The following FAP variants were observed in gnomAD, a reference collection of about 807,000 sequenced individuals.
The protein encoded by FAP is prolyl endopeptidase FAP.
In FAP, 110 loss-of-function variants were observed where a neutral mutation model predicts 126.5. That is an observed-to-expected ratio of 0.87 (90% CI 0.74 to 1.02). FAP has a LOEUF of 1.02. FAP is among the 50% of genes least tolerant of loss of function. The pLI, the probability that FAP is intolerant of heterozygous loss-of-function variation, is 0.00. For missense variants in FAP, 919 were observed against 909.2 expected (o/e 1.01, Z -0.14); for synonymous variants, 334 against 297.3 (o/e 1.12, Z -1.27).
chr2:162,219,063 CT>C lies in FAP; in HGVS notation c.606del (p.Glu203ArgfsTer46). On this transcript the variant is annotated frameshift_variant and splice_region_variant, in exon 8 of 26. Coordinates refer to ENST00000188790, the MANE Select transcript of FAP (RefSeq NM_004460.5). LOFTEE classifies it high-confidence loss of function. ...GCAGTAGAAAAGGAATACAGCTTAC[CT>C]TCATAAACCCAGTCTGGGATTCCAT... ...IFNGIPDWVY[E>X]EEMLATKYAL... is the part of the protein sequence containing the mutation. 1 of 1,597,960 alleles carries C rather than the reference CT, an allele frequency of 6.3e-7. No homozygotes were observed. The highest frequency in any genetic ancestry group is 8.5e-7 in the Non-Finnish European group (1 of 1,172,118).
intron 21 of FAP, among the ~76,000 whole-genome samples, chr2:162,176,886 G>A (rs540332110): frequency 6.6e-6 from 1 of 150,648 alleles, no homozygotes; most frequent in African/African-American, 2.4e-5. Flanking sequence ...GGGTGATAGT[G>A]TTGTATTTAA....
intron 2 of FAP, among the ~76,000 whole-genome samples, chr2:162,240,561 C>G (rs570243954): frequency 6.8e-4 from 103 of 152,316 alleles, no homozygotes; most frequent in Non-Finnish European, 1.0e-3. Context: ...TCCTCAGCAA[C>G]TGGCATGATG....
intron 17 of FAP, among the ~76,000 whole-genome samples, chr2:162,192,555 C>T (rs1309608876): frequency 2.0e-5 from 3 of 152,096 alleles, no homozygotes; most frequent in Non-Finnish European, 4.4e-5. Context: ...GTTTTGTCCA[C>T]TCGGCTCATA....
chr2:162,190,486 A>G (rs761735813), intron 17 of FAP, among the ~76,000 whole-genome samples: 1 of 152,072 alleles, frequency 6.6e-6, no homozygotes, highest in Non-Finnish European at 1.5e-5. Flanking sequence ...ACTTGAGCTC[A>G]GTTATATTTC....
At chr2:162,202,982 T>C in intron 13 of FAP, 40 bp from the exon 14 acceptor site, 1 of 1,603,042 alleles carries the variant, frequency 6.2e-7, no homozygotes, top group Non-Finnish European at 8.5e-7. Context: ...AAACTGAGCG[T>C]TATTTGAGCA....
intron 2 of FAP, among the ~76,000 whole-genome samples, chr2:162,235,355 C>T (rs1449200160): frequency 1.3e-5 from 2 of 152,228 alleles, no homozygotes; most frequent in East Asian, 3.9e-4. Context: ...GCGAGATCCA[C>T]TGGGTGAGGC....
At position 162,213,941 on chromosome 2, in the gene FAP, T is replaced by C. The variant is rs200474219; in HGVS notation, c.999A>G (p.Pro333=). The change falls in exon 11 of 26, where the codon CCA becomes CCG. Residue 333 remains proline, a synonymous_variant. Transcript: ENST00000188790. ...FREDWQTWDC[P]KTQEHIEESR... ...CTGTGATCTTAATATACCCTACCTT[T>C]GGACAATCCCATGTCTGCCAGTCTT... is the stretch of plus-strand genomic sequence containing the variant. 2 of 1,613,232 alleles carry C rather than the reference T, an allele frequency of 1.2e-6. No individual in the cohort carries two copies. The highest frequency in any genetic ancestry group is 2.2e-5 in the East Asian group (1 of 44,840).
chr2:162,237,775 A>G (rs1178859803), intron 2 of FAP, among the ~76,000 whole-genome samples: 1 of 152,080 alleles, frequency 6.6e-6, no homozygotes, highest in Non-Finnish European at 1.5e-5. Flanking sequence ...AGGAATCACA[A>G]GGATTCCACA....
chr2:162,194,831 G>A, intron 16 of FAP, 83 bp from the exon 17 acceptor site: 1 of 1,225,430 alleles, frequency 8.2e-7, no homozygotes, highest in Non-Finnish European at 1.2e-6. Flanking sequence ...TAGTATTTGT[G>A]ATTAGTGTCA....
intron 17 of FAP, among the ~76,000 whole-genome samples, chr2:162,190,891 T>G (rs1688019250): frequency 6.6e-6 from 1 of 152,142 alleles, no homozygotes; most frequent in Admixed American, 6.6e-5. Context: ...ACATGTTATA[T>G]TTAATCTTAG....
intron 10 of FAP, among the ~76,000 whole-genome samples, chr2:162,215,646 G>T (rs1250562890): frequency 6.6e-6 from 1 of 152,188 alleles, no homozygotes; most frequent in Non-Finnish European, 1.5e-5. Flanking sequence ...CTGTCTGCTT[G>T]TTGGTCCCAA....
intron 11 of FAP, among the ~76,000 whole-genome samples, chr2:162,213,383 A>C (rs1689032268): frequency 6.6e-6 from 1 of 151,570 alleles, no homozygotes; most frequent in South Asian, 2.1e-4. Context: ...TCAAAAAAAA[A>C]ACAAAAAACA....
intron 12 of FAP, among the ~76,000 whole-genome samples, chr2:162,206,577 C>T (rs553407275): frequency 1.2e-4 from 19 of 152,236 alleles, no homozygotes; most frequent in African/African-American, 3.9e-4. Context: ...TAGTGTGTTG[C>T]TTAAATTATT....
At chr2:162,204,375 C>T (rs181116146) in intron 12 of FAP, among the ~76,000 whole-genome samples, 4 of 152,274 alleles carry the variant, frequency 2.6e-5, no homozygotes, top group East Asian at 1.9e-4. Context: ...TTCATGTCCA[C>T]GTGGAGCCAC....
chr2:162,226,628 G>A lies in FAP; in HGVS notation c.92-7C>T, dbSNP rs184943869. 10 of 1,480,750 alleles carry A rather than the reference G, an allele frequency of 6.8e-6. No individual in the cohort carries two copies. In the Admixed American group the frequency reaches 7.2e-5, roughly 11 times the overall value. The allele number at this position is 1,480,750 out of a possible 1,614,324, so 91.7% of individuals were successfully genotyped here. On this transcript the variant is annotated splice_region_variant and splice_polypyrimidine_tract_variant and intron_variant, in intron 2 of 25. Transcript: ENST00000188790. ...TTTTCTTCAGAGTTATGAACTTTGG[G>A]GGAAGAGCAAATACATCCTTATTAA...
At chr2:162,220,136 A>G (rs1183590173) in intron 6 of FAP, among the ~76,000 whole-genome samples, 1 of 152,232 alleles carries the variant, frequency 6.6e-6, no homozygotes, top group African/African-American at 2.4e-5. Flanking sequence ...AAGTCACTTA[A>G]CTTTACTGGG....
intron 25 of FAP, 70 bp from the exon 26 acceptor site, chr2:162,171,150 T>G (rs1197322921): frequency 8.6e-7 from 1 of 1,161,950 alleles, no homozygotes; most frequent in Non-Finnish European, 1.3e-6. Context: ...GACTTTTTTG[T>G]GCTCTCAGGA....
chr2:162,205,329 T>G (rs986510932), intron 12 of FAP, among the ~76,000 whole-genome samples: 3 of 152,160 alleles, frequency 2.0e-5, no homozygotes, highest in Non-Finnish European at 2.9e-5. Context: ...GACTAATGCT[T>G]CCAAGTGAAA....
At chr2:162,205,478 A>G (rs550709766) in intron 12 of FAP, among the ~76,000 whole-genome samples, 2 of 152,192 alleles carry the variant, frequency 1.3e-5, no homozygotes, top group East Asian at 3.9e-4. Context: ...GATAATATAC[A>G]TACTTAATAG....
Sources: gnomAD v4.1 joint callset for allele counts (sites outside exome capture counted in the v4.1 genomes callset) on GRCh38, gnomAD v4.1.1 for gene constraint, MANE v1.5 for transcripts, NCBI Gene and HGNC (gene_info 2026-07-23, HGNC 2026-07-21) for gene names.